ZBTB20: variants seen among roughly 807,000 people sequenced by gnomAD.
ZBTB20 encodes zinc finger and BTB domain containing 20.
ZBTB20 carries 9 observed loss-of-function variants against 56.9 expected under a neutral mutation model. That is an observed-to-expected ratio of 0.16 (90% CI 0.10 to 0.28). The LOEUF (loss-of-function observed/expected upper bound fraction) is 0.28. Ranked by LOEUF, ZBTB20 falls within the 10% of genes least tolerant of loss-of-function variation. ZBTB20 has a pLI of 1.00. For missense variants in ZBTB20, 655 were observed against 1,003.0 expected (o/e 0.65, Z 4.69); for synonymous variants, 417 against 420.7 (o/e 0.99, Z 0.11).
At chr3:114,856,617 G>T (rs892207030) in intron 4 of ZBTB20, among the ~76,000 whole-genome samples, 1 of 151,618 alleles carries the variant, frequency 6.6e-6, no homozygotes, top group Non-Finnish European at 1.5e-5. Flanking sequence ...TGTGTTCAAG[G>T]TTCTTACAAA....
chr3:114,798,192 C>T (rs1219152856), intron 5 of ZBTB20, among the ~76,000 whole-genome samples: 1 of 151,768 alleles, frequency 6.6e-6, no homozygotes, highest in Non-Finnish European at 1.5e-5. Context: ...TTCATCATGT[C>T]TGTAAGCCCA....
At chr3:114,427,621 C>A (rs74531646) in intron 7 of ZBTB20, among the ~76,000 whole-genome samples, 2,565 of 152,040 alleles carry the variant, frequency 0.017, 74 homozygotes, top group African/African-American at 0.058. Flanking sequence ...TTCAAATGTG[C>A]AAGACTTGCC....
chr3:114,535,358 A>G (rs902844171), intron 6 of ZBTB20, among the ~76,000 whole-genome samples: 42 of 152,190 alleles, frequency 2.8e-4, no homozygotes, highest in African/African-American at 9.7e-4. Flanking sequence ...GAATACTATA[A>G]ACACCTCTAT....
intron 6 of ZBTB20, among the ~76,000 whole-genome samples, chr3:114,509,992 C>T (rs2045146611): frequency 1.3e-5 from 2 of 152,098 alleles, no homozygotes; most frequent in Non-Finnish European, 2.9e-5. Flanking sequence ...CAGGCCAAAC[C>T]ACAGCTGAAC....
At chr3:115,007,224 G>A (rs1007015190) in intron 2 of ZBTB20, among the ~76,000 whole-genome samples, 2 of 151,586 alleles carry the variant, frequency 1.3e-5, no homozygotes, top group African/African-American at 4.8e-5. Flanking sequence ...ATAAAATCAA[G>A]TGAAATATCC....
intron 10 of ZBTB20, among the ~76,000 whole-genome samples, chr3:114,376,349 A>G (rs1560161968): frequency 6.6e-6 from 1 of 152,226 alleles, no homozygotes; most frequent in Non-Finnish European, 1.5e-5. Flanking sequence ...TCAAGGGGAC[A>G]GTTTCTGTTG....
intron 1 of ZBTB20, among the ~76,000 whole-genome samples, chr3:115,072,676 A>G (rs1003773573): frequency 6.6e-6 from 1 of 152,088 alleles, no homozygotes; most frequent in East Asian, 1.9e-4. Context: ...GATTAAGTTC[A>G]CTCATTCATA....
At chr3:114,999,296 G>C (rs928380962) in intron 2 of ZBTB20, among the ~76,000 whole-genome samples, 45 of 132,100 alleles carry the variant, frequency 3.4e-4, no homozygotes, top group African/African-American at 1.1e-3. Flanking sequence ...GAAAGGGGGA[G>C]GGAAATGAAA....
chr3:114,459,769 A>C (rs1352702735), intron 7 of ZBTB20, among the ~76,000 whole-genome samples: 1 of 152,122 alleles, frequency 6.6e-6, no homozygotes, highest in Non-Finnish European at 1.5e-5. Context: ...AGCTAGTGAA[A>C]AGCACTTGTT....
chr3:114,790,980 A>G (rs2070921264), intron 5 of ZBTB20, among the ~76,000 whole-genome samples: 1 of 152,112 alleles, frequency 6.6e-6, no homozygotes, highest in Non-Finnish European at 1.5e-5. Context: ...ACTCAGATAA[A>G]GGACCTTACT....
intron 2 of ZBTB20, among the ~76,000 whole-genome samples, chr3:114,980,603 G>A (rs1172057678): frequency 6.6e-6 from 1 of 151,804 alleles, no homozygotes; most frequent in East Asian, 1.9e-4. Flanking sequence ...GAAATATTCA[G>A]TACTAAATTA....
intron 3 of ZBTB20, among the ~76,000 whole-genome samples, chr3:114,945,829 G>T: frequency 6.9e-6 from 1 of 144,132 alleles, no homozygotes; most frequent in African/African-American, 2.9e-5. Flanking sequence ...AAATGTGAAA[G>T]GAAAAGTGCT....
In ZBTB20 at chr3:114,376,964, G is replaced by A. The variant is rs750955166; in HGVS notation, c.199+3253C>T. 3.9e-5 allele frequency among the ~76,000 whole-genome samples: 6 copies of A among 152,178 alleles called. No homozygotes were observed. The East Asian group carries it at 7.7e-4, about 20-fold the overall frequency. On this transcript the variant is annotated intron_variant, in intron 10 of 11. Coordinates refer to ENST00000675478, the MANE Select transcript of ZBTB20 (RefSeq NM_001348800.3). ...AAATATGCAAGTAAAAGTTCTGGTC[G>A]CGTCTATCACATGTATATGACTGTG...
intron 5 of ZBTB20, among the ~76,000 whole-genome samples, chr3:114,716,899 G>T (rs1349023932): frequency 1.3e-5 from 2 of 152,026 alleles, no homozygotes; most frequent in Non-Finnish European, 2.9e-5. Flanking sequence ...GAAAATAATG[G>T]AAACCTGGCC....
rs1184745526 is a variant in ZBTB20, at chr3:114,984,105, C to T, written c.-506-9689G>A. Among the ~76,000 whole-genome samples, 6 of 152,152 alleles carry T rather than the reference C, an allele frequency of 3.9e-5. No individual in the cohort carries two copies. The East Asian group carries it at 1.2e-3, about 29-fold the overall frequency. On this transcript the variant is annotated intron_variant, in intron 2 of 11. Transcript: ENST00000675478. Reference sequence around the variant, plus strand: ...ATTTGAACATGTCATCCTCCCACATCATAATCCAGTCCATCTACCAACAAC... The same window carrying T: ...ATTTGAACATGTCATCCTCCCACATTATAATCCAGTCCATCTACCAACAAC...
At chr3:114,858,062 CA>C (rs1171485373) in intron 4 of ZBTB20, among the ~76,000 whole-genome samples, 1 of 152,130 alleles carries the variant, frequency 6.6e-6, no homozygotes, top group Non-Finnish European at 1.5e-5. Flanking sequence ...GTGCATTTGT[CA>C]AAGAAAGGCC....
At chr3:114,722,298 G>A (rs2064973446) in intron 5 of ZBTB20, among the ~76,000 whole-genome samples, 1 of 152,118 alleles carries the variant, frequency 6.6e-6, no homozygotes, top group Non-Finnish European at 1.5e-5. Context: ...ACTGGATTCA[G>A]TGGTTTTATA....
chr3:114,808,982 T>C (rs1008997391), intron 4 of ZBTB20, among the ~76,000 whole-genome samples: 1 of 152,148 alleles, frequency 6.6e-6, no homozygotes, highest in Non-Finnish European at 1.5e-5. Flanking sequence ...TTCCCTTTTT[T>C]TCCTTCAGCA....
intron 5 of ZBTB20, among the ~76,000 whole-genome samples, chr3:114,784,847 T>C (rs2070374882): frequency 6.6e-6 from 1 of 152,194 alleles, no homozygotes; most frequent in African/African-American, 2.4e-5. Context: ...GCCTATGAAT[T>C]CAACACATTG....
Sources: allele counts gnomAD v4.1 joint callset (sites outside exome capture counted in the v4.1 genomes callset), GRCh38; gene constraint gnomAD v4.1.1; transcripts MANE v1.5; gene names NCBI Gene and HGNC (gene_info 2026-07-23, HGNC 2026-07-21).